Variants in CELA3B observed in about 807,000 individuals in gnomAD.
CELA3B encodes the protein chymotrypsin-like elastase family member 3B.
Under a neutral mutation model 37.2 loss-of-function variants are expected in CELA3B, and 34 were observed. That is an observed-to-expected ratio of 0.91 (90% CI 0.70 to 1.22). The LOEUF is 1.22. Among genes scored for constraint, CELA3B ranks in the 50% most tolerant of loss-of-function variants. The probability of loss-of-function intolerance (pLI) is 0.00; values close to 1 mark genes in which losing one functional copy is unlikely to be tolerated. For synonymous variants in CELA3B, 127 were observed against 143.5 expected, an observed-to-expected ratio of 0.89 and a Z score of 0.82; for missense variants, 340 against 363.1, an observed-to-expected ratio of 0.94 and a Z score of 0.52.
At chr1:21,984,586 T>C (rs1320526421) in intron 6 of CELA3B, among the ~76,000 whole-genome samples, 1 of 152,078 alleles carries the variant, frequency 6.6e-6, no homozygotes, top group Non-Finnish European at 1.5e-5. Flanking sequence ...TCCTCAGGCT[T>C]CCGCATCAGC....
chr1:21,996,192 G>A (rs1190968289), intron 4 of CELA3B, among the ~76,000 whole-genome samples: 1 of 151,146 alleles, frequency 6.6e-6, no homozygotes, highest in Non-Finnish European at 1.5e-5. Context: ...CAGCCTGAGC[G>A]ACAGCCAGGT....
rs776611897 is a variant in CELA3B at position 21,986,701 on chromosome 1, G to A, written c.795+18G>A. ...TTGAGGAGGTGAGGAGGGCAGGGCG[G>A]CCCGGAGGGCTTTAGGGTGGTGGCT... On this transcript the variant is annotated intron_variant, in intron 7 of 7. Transcript: ENST00000337107. 3 of 1,608,692 alleles carry A rather than the reference G, an allele frequency of 1.9e-6. No individual in the cohort carries two copies. Among genetic ancestry groups the A allele is most frequent in the Admixed American group, 3.4e-5 (2 of 58,680 alleles).
rs370930407 is a variant in CELA3B, at chr1:21,984,174, T to A, written c.500-15T>A. The A allele has an allele frequency of 1.0e-4, 164 of 1,610,500 alleles. No individual in the cohort carries two copies. Among genetic ancestry groups the A allele is most frequent in the Non-Finnish European group, 1.3e-4 (149 of 1,178,084 alleles). On this transcript the variant is annotated splice_polypyrimidine_tract_variant and intron_variant, in intron 5 of 7. Coordinates refer to ENST00000337107, the MANE Select transcript of CELA3B (RefSeq NM_007352.4). ...TGCCCCCAGACCCCTGACTCGGTGC[T>A]TTTTATCGCTGCAGCCAACGGGCCA...
intron 4 of CELA3B, among the ~76,000 whole-genome samples, chr1:21,981,936 A>T (rs555244556): frequency 6.6e-6 from 1 of 152,076 alleles, no homozygotes; most frequent in Admixed American, 6.6e-5. Context: ...CGTGTTAGCC[A>T]GGATGATCTC....
chr1:21,987,792 T>C lies in CELA3B; in HGVS notation c.795+1109T>C, dbSNP rs936820030. On this transcript the variant is annotated intron_variant, in intron 7 of 7. Coordinates refer to ENST00000337107, the MANE Select transcript of CELA3B (RefSeq NM_007352.4). Reference sequence around the variant, plus strand: ...AGCCTCTCTCTTAAAAAAATGAAAATAAACTAAATAAAATAAAACAGTAGT... The same window carrying C: ...AGCCTCTCTCTTAAAAAAATGAAAACAAACTAAATAAAATAAAACAGTAGT... The C allele has an allele frequency of 2.0e-5, 3 of 148,864 alleles. No homozygotes were observed. The East Asian group carries it at 6.0e-4, about 30-fold the overall frequency. 9.2% of individuals were successfully genotyped at this position (148,864 alleles called of 1,614,324 possible).
At chr1:21,992,742 A>G (rs1293807376), downstream of CELA3B, among the ~76,000 whole-genome samples, 1 of 151,000 alleles carries the variant, frequency 6.6e-6, no homozygotes, top group Non-Finnish European at 1.5e-5. Context: ...TTGGGAGGTT[A>G]GGGTAGGAGG....
downstream of CELA3B, among the ~76,000 whole-genome samples, chr1:21,993,972 T>C (rs978895801): frequency 6.8e-6 from 1 of 148,106 alleles, no homozygotes; most frequent in African/African-American, 2.5e-5. Flanking sequence ...TTCTGGCTCC[T>C]CTTCAAACCG....
At chr1:21,981,800 ACTGCAAGCT>A (rs1644806532) in intron 4 of CELA3B, among the ~76,000 whole-genome samples, 1 of 150,162 alleles carries the variant, frequency 6.7e-6, no homozygotes. Flanking sequence ...ATCTCGGCTC[ACTGCAAGCT>A]CTGCCTCCCG....
intron 5 of CELA3B, 89 bp downstream of exon 5, chr1:21,983,919 G>C: frequency 1.4e-6 from 2 of 1,379,896 alleles, no homozygotes; most frequent in Non-Finnish European, 2.0e-6. Context: ...ACCAAGACCA[G>C]ACCTTGTACT....
intron 1 of CELA3B, 126 bp downstream of exon 1, chr1:21,977,208 A>G (rs1417619211): frequency 7.0e-7 from 1 of 1,419,242 alleles, no homozygotes; most frequent in Non-Finnish European, 9.9e-7. Context: ...CTCAGCTTGT[A>G]CCCGGGGGCA....
In CELA3B at chr1:21,984,155, C is replaced by G. The variant is rs777286937; in HGVS notation, c.500-34C>G. 6.9e-6 allele frequency: 11 copies of G among 1,601,576 alleles called. No homozygotes were observed. The Admixed American group carries it at 1.4e-4, about 20-fold the overall frequency. ...TCTGGGGCTCCTAGCCCTGTGCCCC[C>G]AGACCCCTGACTCGGTGCTTTTTAT... On this transcript the variant is annotated intron_variant, in intron 5 of 7. Transcript: ENST00000337107.
At chr1:21,991,779 C>T (rs1241472457), downstream of CELA3B, among the ~76,000 whole-genome samples, 1 of 151,250 alleles carries the variant, frequency 6.6e-6, no homozygotes, top group Non-Finnish European at 1.5e-5. Flanking sequence ...GAAGTGGAAG[C>T]TTGAAGCTGA....
chr1:21,982,239 G>A (rs1229554447), intron 4 of CELA3B, among the ~76,000 whole-genome samples: 2 of 152,134 alleles, frequency 1.3e-5, no homozygotes, highest in Non-Finnish European at 2.9e-5. Flanking sequence ...GCAGGCAGGT[G>A]AAGACAGAGG....
chr1:21,980,716 G>T (rs1235136363), intron 2 of CELA3B, 108 bp from the exon 3 acceptor site: 7 of 803,588 alleles, frequency 8.7e-6, no homozygotes, highest in Non-Finnish European at 1.4e-5. Context: ...TGTTTTCCGT[G>T]TGAATGGCGC....
chr1:21,996,090 G>T (rs530378570), intron 4 of CELA3B, among the ~76,000 whole-genome samples: 1 of 151,230 alleles, frequency 6.6e-6, no homozygotes, highest in Non-Finnish European at 1.5e-5. Flanking sequence ...GCACATGCCT[G>T]TAGTTCCAGC....
chr1:21,977,051 G>T lies in CELA3B; in HGVS notation c.12G>T (p.Arg4=), dbSNP rs1202648290. 7 of 1,614,116 alleles carry T rather than the reference G, an allele frequency of 4.3e-6. No individual in the cohort carries two copies. The highest frequency in any genetic ancestry group is 5.9e-6 in the Non-Finnish European group (7 of 1,180,038). ...TCATCGCAAAACTCATGATGCTCCG[G>T]CTGCTCAGTTCCCTCCTCCTTGTGG... MML[R]LLSSLLLVAV... is the part of the protein sequence containing the mutation. Residue 4 remains arginine, a synonymous_variant, in exon 1 of 8, where the codon CGG becomes CGT. Transcript: ENST00000337107.
downstream of CELA3B, among the ~76,000 whole-genome samples, chr1:21,992,302 A>G (rs1282632339): frequency 6.6e-6 from 1 of 151,582 alleles, no homozygotes; most frequent in Non-Finnish European, 1.5e-5. Context: ...TGGAGACAGG[A>G]GGGTAGCTTG....
At chr1:21,978,343 A>C (rs1557863562) in intron 1 of CELA3B, 26 bp from the exon 2 acceptor site, 1 of 1,613,706 alleles carries the variant, frequency 6.2e-7, no homozygotes, top group Non-Finnish European at 8.5e-7. Flanking sequence ...CCTCCCGCTG[A>C]TTGACAGCTC....
intron 4 of CELA3B, among the ~76,000 whole-genome samples, chr1:21,994,660 G>A (rs1557869354): frequency 6.6e-6 from 1 of 151,092 alleles, no homozygotes; most frequent in East Asian, 2.0e-4. Flanking sequence ...TCTCTCTTCA[G>A]CTCCCCTGCC....
Sources: allele counts gnomAD v4.1 joint callset (sites outside exome capture counted in the v4.1 genomes callset), GRCh38; gene constraint gnomAD v4.1.1; transcripts MANE v1.5; gene names NCBI Gene and HGNC (gene_info 2026-07-23, HGNC 2026-07-21).